Variants in NBEAL1 observed in about 807,000 individuals in gnomAD.
NBEAL1 encodes neurobeachin like 1, also known as neurobeachin-like protein 1.
A neutral mutation model predicts 351.3 loss-of-function variants in NBEAL1; 273 were observed. That is an observed-to-expected ratio of 0.78 (90% CI 0.70 to 0.86). The LOEUF (loss-of-function observed/expected upper bound fraction) is 0.86. Among genes scored for constraint, NBEAL1 ranks in the 40% least tolerant of loss-of-function variants. The pLI, the probability that NBEAL1 is intolerant of heterozygous loss-of-function variation, is 0.00. For missense variants in NBEAL1, 2,961 were observed against 3,201.3 expected (o/e 0.92, Z 1.81); for synonymous variants, 1,050 against 1,086.4 (o/e 0.97, Z 0.66).
intron 18 of NBEAL1, among the ~76,000 whole-genome samples, chr2:203,118,590 C>T (rs1319438324): frequency 7.1e-6 from 1 of 141,034 alleles, no homozygotes; most frequent in Non-Finnish European, 1.6e-5. Flanking sequence ...TGTGTGACAG[C>T]CAACTTTTTT....
intron 35 of NBEAL1, among the ~76,000 whole-genome samples, chr2:203,152,831 C>G (rs774142076): frequency 6.6e-6 from 1 of 151,332 alleles, no homozygotes; most frequent in South Asian, 2.1e-4. Context: ...AGGTCAGGAG[C>G]TCGAGACCTC....
intron 49 of NBEAL1, among the ~76,000 whole-genome samples, chr2:203,201,067 C>T (rs1327627156): frequency 6.6e-6 from 1 of 152,196 alleles, no homozygotes; most frequent in Non-Finnish European, 1.5e-5. Context: ...AACCAGCATG[C>T]TTGCTTTGGT....
chr2:203,058,305 A>G (rs139263743), intron 6 of NBEAL1, among the ~76,000 whole-genome samples: 242 of 152,286 alleles, frequency 1.6e-3, no homozygotes, highest in Middle Eastern at 6.8e-3. Context: ...TACTGGGATT[A>G]TAGACATGAA....
intron 41 of NBEAL1, 102 bp from the exon 42 acceptor site, chr2:203,175,044 TG>T: frequency 9.8e-7 from 1 of 1,019,000 alleles, no homozygotes; most frequent in Non-Finnish European, 1.4e-6. Flanking sequence ...TGAAGAAGGA[TG>T]GACTTTTTAA....
At chr2:203,095,913 C>A (rs1338180269) in intron 10 of NBEAL1, among the ~76,000 whole-genome samples, 1 of 152,006 alleles carries the variant, frequency 6.6e-6, no homozygotes, top group Non-Finnish European at 1.5e-5. Context: ...GCTGGGACTA[C>A]AGGCTAGTTT....
At chr2:203,049,791 AT>A in intron 3 of NBEAL1, 22 bp from the exon 4 acceptor site, 4 of 1,496,474 alleles carry the variant, frequency 2.7e-6, no homozygotes, top group African/African-American at 1.4e-5. Context: ...CAGGCTTCTT[AT>A]TTTTTTCCCT....
At chr2:203,038,119 A>G (rs2061069017) in intron 2 of NBEAL1, among the ~76,000 whole-genome samples, 2 of 149,456 alleles carry the variant, frequency 1.3e-5, no homozygotes. Context: ...GTACGAATGT[A>G]CAACGATTTG....
chr2:203,214,145 T>G (rs540781216), intron 55 of NBEAL1, among the ~76,000 whole-genome samples: 279 of 152,370 alleles, frequency 1.8e-3, no homozygotes, highest in Non-Finnish European at 3.5e-3. Context: ...TTATCAATTA[T>G]TGAATATTCA....
chr2:203,161,152 C>G (rs1463592948), intron 36 of NBEAL1, among the ~76,000 whole-genome samples: 2 of 151,610 alleles, frequency 1.3e-5, no homozygotes, highest in Non-Finnish European at 2.9e-5. Flanking sequence ...ACGGTGAAAC[C>G]CTGTCTCTAC....
Position 203,223,496 on chromosome 2 carries a change from C to T in NBEAL1, c.*6142C>T, listed in dbSNP as rs2065977513. Among the ~76,000 whole-genome samples the T allele has an allele frequency of 6.6e-6, 1 of 151,816 alleles. No individual in the cohort carries two copies. Among genetic ancestry groups the T allele is most frequent in the South Asian group, 2.1e-4 (1 of 4,824 alleles). ...TTTAAATTAATTTATAATTATTTTT[C>T]AGTGTACAGAGTGATTAGCGGCTTG... On this transcript the variant is annotated 3_prime_UTR_variant, in exon 56 of 56. Coordinates refer to ENST00000683969, the MANE Select transcript of NBEAL1 (RefSeq NM_001378026.1).
intron 44 of NBEAL1, among the ~76,000 whole-genome samples, chr2:203,184,334 G>A (rs2064830987): frequency 1.3e-5 from 2 of 152,158 alleles, no homozygotes. Context: ...AGGAGGCTGA[G>A]GTAAGATAAT....
rs2060678672 is a variant in NBEAL1, at chr2:203,016,243, C to A, written c.-142C>A. 2.1e-6 allele frequency: 1 copy of A among 465,256 alleles called. No individual in the cohort carries two copies. The highest frequency in any genetic ancestry group is 3.7e-6 in the Non-Finnish European group (1 of 267,042). The allele number at this position is 465,256 out of a possible 1,614,324, so 28.8% of individuals were successfully genotyped here. On this transcript the variant is annotated 5_prime_UTR_variant, in exon 2 of 56. Coordinates refer to ENST00000683969, the MANE Select transcript of NBEAL1 (RefSeq NM_001378026.1). ...TTTTGTTTTTAACCAGAGGACAGTC[C>A]ATTTGTTTCACTTCTTTTTGCTTTC...
chr2:203,204,654 A>C (rs1188282229), intron 51 of NBEAL1, among the ~76,000 whole-genome samples: 1 of 152,056 alleles, frequency 6.6e-6, no homozygotes, highest in Non-Finnish European at 1.5e-5. Context: ...GTGTCTTTTC[A>C]TGTTTGTTTC....
intron 18 of NBEAL1, among the ~76,000 whole-genome samples, chr2:203,117,847 T>C (rs2062735185): frequency 7.2e-6 from 1 of 139,350 alleles, no homozygotes; most frequent in African/African-American, 2.7e-5. Flanking sequence ...CATGCTGAGC[T>C]TTTTTTTTTT....
intron 17 of NBEAL1, among the ~76,000 whole-genome samples, chr2:203,114,910 C>G (rs1464750274): frequency 2.0e-5 from 3 of 151,816 alleles, no homozygotes; most frequent in African/African-American, 7.3e-5. Context: ...TGCCACCACA[C>G]CCAGCTAATT....
intron 31 of NBEAL1, among the ~76,000 whole-genome samples, 192 bp from the exon 32 acceptor site, chr2:203,144,408 T>C (rs564806294): frequency 6.6e-6 from 1 of 152,188 alleles, no homozygotes; most frequent in African/African-American, 2.4e-5. Flanking sequence ...TCAGGAGTCT[T>C]GTGTCTTCTG....
At chr2:203,113,489 C>T (rs2062618580) in intron 17 of NBEAL1, among the ~76,000 whole-genome samples, 171 bp downstream of exon 17, 1 of 152,148 alleles carries the variant, frequency 6.6e-6, no homozygotes. Flanking sequence ...AGCCCCTCCA[C>T]ATACCTAATA....
intron 12 of NBEAL1, among the ~76,000 whole-genome samples, chr2:203,107,218 A>G (rs1191654063): frequency 2.0e-5 from 3 of 152,216 alleles, no homozygotes; most frequent in Non-Finnish European, 4.4e-5. Context: ...GTAGATAATT[A>G]TAACTTCATT....
In NBEAL1 at chr2:203,145,010, G is replaced by T. The variant is rs1242634104; in HGVS notation, c.5155-1G>T. On this transcript the variant is annotated splice_acceptor_variant, in intron 32 of 55. Transcript: ENST00000683969. LOFTEE classifies it high-confidence loss of function. ...TGTATCTTTTTTATTTTTTTGGTAAGATTGTACCTTATATGAAGCAGTATG... is the reference window on the plus strand; with the variant it reads ...TGTATCTTTTTTATTTTTTTGGTAATATTGTACCTTATATGAAGCAGTATG... The T allele has an allele frequency of 6.4e-7, 1 of 1,569,456 alleles. No homozygotes were observed. The highest frequency in any genetic ancestry group is 8.6e-7 in the Non-Finnish European group (1 of 1,161,662).
Sources: allele counts gnomAD v4.1 joint callset (sites outside exome capture counted in the v4.1 genomes callset), GRCh38; gene constraint gnomAD v4.1.1; transcripts MANE v1.5; gene names NCBI Gene and HGNC (gene_info 2026-07-23, HGNC 2026-07-21).